CCSER1: variants seen among roughly 807,000 people sequenced by gnomAD.
CCSER1 encodes serine-rich coiled-coil domain-containing protein 1.
In CCSER1, 41 loss-of-function variants were observed where a neutral mutation model predicts 82.0. The observed-to-expected ratio is 0.50, with a 90% CI of 0.39 to 0.65. The LOEUF is 0.65. Among genes scored for constraint, CCSER1 ranks in the 30% least tolerant of loss-of-function variants. The pLI, the probability that CCSER1 is intolerant of heterozygous loss-of-function variation, is 0.00. For missense variants in CCSER1, 1,119 were observed against 1,064.2 expected (o/e 1.05, Z -0.72); for synonymous variants, 414 against 383.9 (o/e 1.08, Z -0.92).
intron 7 of CCSER1, among the ~76,000 whole-genome samples, chr4:90,805,211 G>A (rs1255933326): frequency 1.3e-5 from 2 of 152,170 alleles, no homozygotes. Flanking sequence ...CAACTGGGAA[G>A]TTCTAGCCTT....
At chr4:91,088,560 A>G (rs1723616073) in intron 10 of CCSER1, among the ~76,000 whole-genome samples, 1 of 152,214 alleles carries the variant, frequency 6.6e-6, no homozygotes, top group African/African-American at 2.4e-5. Flanking sequence ...TAACACCTAA[A>G]TTGCTAAATT....
chr4:91,421,066 G>C (rs1455462623), intron 10 of CCSER1, among the ~76,000 whole-genome samples: 1 of 152,140 alleles, frequency 6.6e-6, no homozygotes, highest in African/African-American at 2.4e-5. Context: ...GGAAGAAATG[G>C]GGAAAGTTGG....
chr4:90,746,355 A>G (rs1025028023), intron 7 of CCSER1, among the ~76,000 whole-genome samples: 9 of 152,212 alleles, frequency 5.9e-5, no homozygotes, highest in African/African-American at 1.2e-4. Flanking sequence ...TTCCTCTCAA[A>G]TATTTTATCC....
Position 91,132,176 on chromosome 4 carries a change from T to C in CCSER1, c.2217+46182T>C, listed in dbSNP as rs1032068778. 4.0e-4 allele frequency among the ~76,000 whole-genome samples: 61 copies of C among 152,016 alleles called. 1 individual carries two copies. Among genetic ancestry groups the C allele is most frequent in the African/African-American group, 1.4e-3 (59 of 41,370 alleles). ...TTTTTGAAAATGACAGAAGTTTAAA[T>C]TGGCTTGTTGTTCTATTAAAGAAAT... On this transcript the variant is annotated intron_variant, in intron 10 of 10. Coordinates refer to ENST00000509176, the MANE Select transcript of CCSER1 (RefSeq NM_001145065.2).
At chr4:90,622,793 G>A (rs563361201) in intron 5 of CCSER1, among the ~76,000 whole-genome samples, 251 of 152,086 alleles carry the variant, frequency 1.7e-3, no homozygotes, top group Non-Finnish European at 3.1e-3. Context: ...GTAATGGGAT[G>A]GCTGGGTCAA....
intron 10 of CCSER1, among the ~76,000 whole-genome samples, chr4:91,290,029 C>T (rs1338499535): frequency 6.6e-6 from 1 of 151,942 alleles, no homozygotes; most frequent in Non-Finnish European, 1.5e-5. Context: ...TAGTAGACTT[C>T]TCATCAGGTA....
chr4:91,352,292 C>T (rs1748523959), intron 10 of CCSER1, among the ~76,000 whole-genome samples: 1 of 152,068 alleles, frequency 6.6e-6, no homozygotes, highest in African/African-American at 2.4e-5. Flanking sequence ...ACTCTGTCAC[C>T]CAGGAGTGCA....
intron 1 of CCSER1, among the ~76,000 whole-genome samples, chr4:90,297,383 G>C (rs1249490067): frequency 2.0e-5 from 3 of 151,766 alleles, no homozygotes; most frequent in Non-Finnish European, 4.4e-5. Flanking sequence ...TCAGCTTAAG[G>C]AGATTTTGGG....
intron 10 of CCSER1, among the ~76,000 whole-genome samples, chr4:91,419,196 A>G (rs1753557551): frequency 6.6e-6 from 1 of 152,028 alleles, no homozygotes; most frequent in African/African-American, 2.4e-5. Context: ...CATTTTTGCC[A>G]CCTGCATTCA....
At chr4:90,643,022 CTT>C (rs1030349822) in intron 6 of CCSER1, among the ~76,000 whole-genome samples, 1 of 151,272 alleles carries the variant, frequency 6.6e-6, no homozygotes, top group Non-Finnish European at 1.5e-5. Flanking sequence ...GTTTTGTTCT[CTT>C]TGATTAAATG....
At chr4:90,460,195 C>T (rs978822636) in intron 4 of CCSER1, among the ~76,000 whole-genome samples, 2 of 147,492 alleles carry the variant, frequency 1.4e-5, no homozygotes, top group Non-Finnish European at 1.5e-5. Context: ...CATGGTGGCG[C>T]GTGCCTGTAG....
At chr4:90,574,787 A>AC (rs1780557842) in intron 5 of CCSER1, among the ~76,000 whole-genome samples, 1 of 151,972 alleles carries the variant, frequency 6.6e-6, no homozygotes, top group African/African-American at 2.4e-5. Context: ...TGTTATATTA[A>AC]CCAAATCATT....
chr4:90,413,810 G>A (rs6833611), intron 4 of CCSER1, among the ~76,000 whole-genome samples: 7,945 of 149,348 alleles, frequency 0.053, 255 homozygotes, highest in African/African-American at 0.083. Flanking sequence ...TTAGCCGCGC[G>A]TAGTGGCGGG....
At position 90,728,928 on chromosome 4, in the gene CCSER1, C is replaced by A. The variant is rs141338864; in HGVS notation, c.2010+4937C>A. Reference sequence around the variant, plus strand: ...TAGTTTCTATAATGACCACTTATTTCTATTTTTAAAACAATGTTTATTTTT... The same window carrying A: ...TAGTTTCTATAATGACCACTTATTTATATTTTTAAAACAATGTTTATTTTT... On this transcript the variant is annotated intron_variant, in intron 7 of 10. Coordinates refer to ENST00000509176, the MANE Select transcript of CCSER1 (RefSeq NM_001145065.2). Among the ~76,000 whole-genome samples the A allele has an allele frequency of 3.3e-5, 5 of 152,196 alleles. No homozygotes were observed. In the East Asian group the frequency reaches 9.7e-4, roughly 29 times the overall value.
intron 1 of CCSER1, among the ~76,000 whole-genome samples, chr4:90,303,704 G>T (rs1385231762): frequency 6.6e-6 from 1 of 152,132 alleles, no homozygotes; most frequent in African/African-American, 2.4e-5. Flanking sequence ...AACCCTAGAA[G>T]AAAACCTAGG....
intron 3 of CCSER1, among the ~76,000 whole-genome samples, chr4:90,379,812 C>T (rs181024715): frequency 6.6e-6 from 1 of 152,204 alleles, no homozygotes; most frequent in Admixed American, 6.5e-5. Flanking sequence ...TTAATTGACT[C>T]ATGGTTCTGC....
chr4:91,159,047 C>A (rs1474413501), intron 10 of CCSER1, among the ~76,000 whole-genome samples: 5 of 151,910 alleles, frequency 3.3e-5, no homozygotes, highest in African/African-American at 1.2e-4. Context: ...TTCTCCCCTC[C>A]TTAAGATTTC....
chr4:91,322,376 C>A (rs1746258825), intron 10 of CCSER1, among the ~76,000 whole-genome samples: 1 of 151,922 alleles, frequency 6.6e-6, no homozygotes, highest in Admixed American at 6.6e-5. Context: ...TTCCCCATAT[C>A]CTCTTTAAGT....
chr4:90,755,818 A>G (rs1165569406), intron 7 of CCSER1, among the ~76,000 whole-genome samples: 1 of 152,222 alleles, frequency 6.6e-6, no homozygotes, highest in Admixed American at 6.5e-5. Flanking sequence ...GAAATATCTA[A>G]TGATCCTTGC....
Sources: allele counts gnomAD v4.1 joint callset (sites outside exome capture counted in the v4.1 genomes callset), GRCh38; gene constraint gnomAD v4.1.1; transcripts MANE v1.5; gene names NCBI Gene and HGNC (gene_info 2026-07-23, HGNC 2026-07-21).